The following MYOM1 variants were observed in gnomAD, a reference collection of about 807,000 sequenced individuals.
The protein encoded by MYOM1 is myomesin 1.
MYOM1 carries 164 observed loss-of-function variants against 205.3 expected under a neutral mutation model. The ratio of observed to expected loss-of-function variants is 0.80; its 90% CI spans 0.70 to 0.91. The LOEUF is 0.91. Ranked by LOEUF, MYOM1 falls within the 40% of genes least tolerant of loss-of-function variation. MYOM1 has a pLI of 0.00. For synonymous variants in MYOM1, 772 were observed against 789.4 expected (o/e 0.98, Z 0.37); for missense variants, 2,011 against 2,127.3 (o/e 0.95, Z 1.08).
At position 3,211,281 on chromosome 18, in the gene MYOM1, A is replaced by G. The variant is rs138576675; in HGVS notation, c.290+3653T>C. ...TTATTTCATCCCAAGTCCTTATAAC[A>G]TTGGCATTAGGAAAGAGGTCCTCAG... On this transcript the variant is annotated intron_variant, in intron 2 of 37. Coordinates refer to ENST00000356443, the MANE Select transcript of MYOM1 (RefSeq NM_003803.4). 1.1e-4 allele frequency among the ~76,000 whole-genome samples: 17 copies of G among 152,304 alleles called. No individual in the cohort carries two copies. In the East Asian group the frequency reaches 3.3e-3, roughly 29 times the overall value.
chr18:3,126,445 C>T (rs1042187736), intron 19 of MYOM1, among the ~76,000 whole-genome samples: 4 of 151,406 alleles, frequency 2.6e-5, no homozygotes, highest in Admixed American at 1.3e-4. Context: ...GTACAGTAAG[C>T]GCACATTTCA....
At chr18:3,195,355 A>C (rs547363126) in intron 2 of MYOM1, among the ~76,000 whole-genome samples, 5 of 152,192 alleles carry the variant, frequency 3.3e-5, no homozygotes, top group African/African-American at 1.2e-4. Context: ...AAGCTTGTGG[A>C]TTGGTTACAA....
chr18:3,157,645 C>A (rs2080320372), intron 10 of MYOM1, among the ~76,000 whole-genome samples: 2 of 150,424 alleles, frequency 1.3e-5, no homozygotes, highest in Admixed American at 1.3e-4. Context: ...CCACTACACT[C>A]CAGCCTGGGT....
At chr18:3,104,305 G>A (rs2079422176) in intron 22 of MYOM1, among the ~76,000 whole-genome samples, 1 of 152,142 alleles carries the variant, frequency 6.6e-6, no homozygotes, top group Non-Finnish European at 1.5e-5. Flanking sequence ...TATCTGTATT[G>A]TTACAGAGAG....
At chr18:3,132,714 G>C (rs1382893855) in intron 16 of MYOM1, among the ~76,000 whole-genome samples, 4 of 152,068 alleles carry the variant, frequency 2.6e-5, no homozygotes, top group Admixed American at 2.6e-4. Flanking sequence ...AATTACTATA[G>C]AATCTGAAGA....
chr18:3,236,146 T>A, the MYOM1 span, among the ~76,000 whole-genome samples: 2 of 151,392 alleles, frequency 1.3e-5, no homozygotes, highest in Non-Finnish European at 2.9e-5. Flanking sequence ...CATAGTCACG[T>A]AAGTAGAGGT....
intron 33 of MYOM1, among the ~76,000 whole-genome samples, chr18:3,080,190 T>G (rs2079068373): frequency 6.6e-6 from 1 of 152,200 alleles, no homozygotes; most frequent in African/African-American, 2.4e-5. Flanking sequence ...GACGTTATTA[T>G]AGTAACCATC....
At chr18:3,226,959 A>G in the MYOM1 span, among the ~76,000 whole-genome samples, 1 of 152,170 alleles carries the variant, frequency 6.6e-6, no homozygotes, top group African/African-American at 2.4e-5. The surrounding 1 kb of genome is among the most constrained non-coding windows in gnomAD (Gnocchi z 4.6). Context: ...TGTGAGGCTC[A>G]GGAGCTGGTG....
chr18:3,098,988 C>T (rs2079342632), intron 25 of MYOM1, among the ~76,000 whole-genome samples: 1 of 152,180 alleles, frequency 6.6e-6, no homozygotes, highest in South Asian at 2.1e-4. Flanking sequence ...CGGACTCGCT[C>T]TGTTGCCCAG....
At chr18:3,169,070 AG>A in intron 8 of MYOM1, 89 bp from the exon 9 acceptor site, 2 of 1,144,450 alleles carry the variant, frequency 1.7e-6, no homozygotes, top group Admixed American at 2.9e-5. Context: ...AAGCAGTCAC[AG>A]CAAAAAAAAA....
chr18:3,118,176 A>G (rs2079632984), intron 20 of MYOM1, among the ~76,000 whole-genome samples: 1 of 152,196 alleles, frequency 6.6e-6, no homozygotes, highest in Non-Finnish European at 1.5e-5. Flanking sequence ...ATGACAAAAC[A>G]TTCTTATTGC....
At chr18:3,096,923 C>T (rs2079313235) in intron 25 of MYOM1, among the ~76,000 whole-genome samples, 1 of 152,084 alleles carries the variant, frequency 6.6e-6, no homozygotes, top group African/African-American at 2.4e-5. Context: ...CTATTTTTAG[C>T]TTTGTGCATT....
At chr18:3,170,965 A>C (rs76092592) in intron 8 of MYOM1, among the ~76,000 whole-genome samples, 3,495 of 152,304 alleles carry the variant, frequency 0.023, 106 homozygotes, top group East Asian at 0.14. Context: ...GCTGACATTT[A>C]TTGAGTTCAA....
chr18:3,222,013 C>T (rs2081334379), upstream of MYOM1, among the ~76,000 whole-genome samples: 1 of 152,164 alleles, frequency 6.6e-6, no homozygotes, highest in African/African-American at 2.4e-5. Flanking sequence ...CAAATCTTCT[C>T]AAAGCAGAAA....
Position 3,135,739 on chromosome 18 carries a change from A to G in MYOM1, c.2026-9T>C, listed in dbSNP as rs762977758. On this transcript the variant is annotated splice_polypyrimidine_tract_variant and intron_variant, in intron 14 of 37. Transcript: ENST00000356443. This position sits in a 1 kb window ranked among gnomAD's most constrained non-coding sequence, Gnocchi z 4.1. Reference sequence around the variant, plus strand: ...TCTGTTCCTGCCTCACACTGCAGCAAGAACAGGGAAACCCATTGAAAGCAC... The same window carrying G: ...TCTGTTCCTGCCTCACACTGCAGCAGGAACAGGGAAACCCATTGAAAGCAC... 6.8e-6 allele frequency: 11 copies of G among 1,613,618 alleles called. No individual in the cohort carries two copies. In the South Asian group the frequency reaches 1.2e-4, roughly 18 times the overall value.
intron 2 of MYOM1, among the ~76,000 whole-genome samples, chr18:3,210,390 A>T (rs2081177617): frequency 6.6e-6 from 1 of 152,190 alleles, no homozygotes; most frequent in Non-Finnish European, 1.5e-5. Flanking sequence ...GGGGTGGTTG[A>T]TCAATGTGAC....
chr18:3,131,633 G>T, intron 16 of MYOM1, 137 bp from the exon 17 acceptor site: 2 of 822,008 alleles, frequency 2.4e-6, no homozygotes, highest in South Asian at 4.0e-5. Context: ...ACAGAAATGG[G>T]GTCTTGCTGT....
chr18:3,238,338 G>C, the MYOM1 span, among the ~76,000 whole-genome samples: 11 of 152,160 alleles, frequency 7.2e-5, no homozygotes, highest in Non-Finnish European at 1.6e-4. Flanking sequence ...GGGAGCAGTT[G>C]TAAGTACAGA....
chr18:3,221,671 A>C (rs2081331465), upstream of MYOM1, among the ~76,000 whole-genome samples: 1 of 152,236 alleles, frequency 6.6e-6, no homozygotes, highest in Admixed American at 6.5e-5. Flanking sequence ...ACATTTTGAA[A>C]TGGCAATACG....
Sources: gnomAD v4.1 joint callset for allele counts (sites outside exome capture counted in the v4.1 genomes callset) on GRCh38, gnomAD v4.1.1 for gene constraint, Gnocchi (gnomAD v3.1) non-coding constraint, MANE v1.5 for transcripts, NCBI Gene and HGNC (gene_info 2026-07-23, HGNC 2026-07-21) for gene names.